The following ELFN2 variants were observed in gnomAD, a reference collection of about 807,000 sequenced individuals.
ELFN2 encodes protein phosphatase 1 regulatory subunit 29.
ELFN2 carries 17 observed loss-of-function variants against 45.5 expected under a neutral mutation model. The ratio of observed to expected loss-of-function variants is 0.37; its 90% CI spans 0.26 to 0.56. ELFN2 has a LOEUF of 0.56. ELFN2 is among the 20% of genes least tolerant of loss of function. ELFN2 has a pLI of 0.77. For synonymous variants in ELFN2, 550 were observed against 551.5 expected (o/e 1.00, Z 0.04); for missense variants, 922 against 1,183.2 (o/e 0.78, Z 3.24).
intron 2 of ELFN2, among the ~76,000 whole-genome samples, chr22:37,380,311 G>A (rs1011445720): frequency 2.1e-5 from 3 of 142,112 alleles, no homozygotes; most frequent in African/African-American, 8.2e-5. Flanking sequence ...TGAGACCCAG[G>A]TAAGCTGCAG....
chr22:37,364,535 A>T (rs974871104), downstream of ELFN2, among the ~76,000 whole-genome samples: 9 of 152,122 alleles, frequency 5.9e-5, no homozygotes, highest in Non-Finnish European at 1.2e-4. Flanking sequence ...GAGGGTCCCC[A>T]CAGTTCAGCC....
At chr22:37,349,393 T>C (rs1045704750) in intron 1 of ELFN2, among the ~76,000 whole-genome samples, 4 of 151,192 alleles carry the variant, frequency 2.6e-5, no homozygotes, top group African/African-American at 9.7e-5. Flanking sequence ...TCCCTGCACC[T>C]GCCCCAGTTT....
Position 37,373,726 on chromosome 22 carries a change from C to T in ELFN2, c.1809G>A (p.Ser603=), listed in dbSNP as rs754275848. 14 of 1,554,372 alleles carry T rather than the reference C, an allele frequency of 9.0e-6. No homozygotes were observed. In the Admixed American group the frequency reaches 2.3e-4, roughly 26 times the overall value. ...GGTGGGAGCTCTCCTTGTAGGGAGG[C>T]GAAAGGAAGCTGGGCCGCTCCAGGG... ...PGALERPSFL[S]PPYKESSHHP... is the part of the protein sequence containing the mutation. The change falls in exon 3 of 3, where the codon TCG becomes TCA. Residue 603 remains serine (S), a synonymous_variant. Transcript: ENST00000402918.
chr22:37,358,399 C>T (rs138240723), intron 1 of ELFN2, among the ~76,000 whole-genome samples: 6 of 152,340 alleles, frequency 3.9e-5, no homozygotes, highest in South Asian at 2.1e-4. Context: ...GGTCCAGGTC[C>T]GCCGGGGCGA....
chr22:37,346,099 G>C (rs937313238), intron 1 of ELFN2, among the ~76,000 whole-genome samples: 2 of 152,236 alleles, frequency 1.3e-5, no homozygotes, highest in Non-Finnish European at 1.5e-5. Context: ...ACCGGCTTGA[G>C]GTTGATGTGA....
chr22:37,386,607 G>T (rs962155850), intron 2 of ELFN2, among the ~76,000 whole-genome samples: 1 of 152,192 alleles, frequency 6.6e-6, no homozygotes, highest in South Asian at 2.1e-4. Context: ...ACTGACGGCC[G>T]CCTCTGAGGC....
intron 2 of ELFN2, among the ~76,000 whole-genome samples, chr22:37,415,854 C>T (rs1252625480): frequency 6.6e-6 from 1 of 152,136 alleles, no homozygotes; most frequent in Non-Finnish European, 1.5e-5. Flanking sequence ...CCCAGCTACT[C>T]AAGGAGGCTG....
intron 1 of ELFN2, among the ~76,000 whole-genome samples, chr22:37,419,375 C>G (rs1932791935): frequency 6.6e-6 from 1 of 152,080 alleles, no homozygotes; most frequent in Non-Finnish European, 1.5e-5. Flanking sequence ...CCAGAGCACA[C>G]CCAGACAGAA....
chr22:37,342,899 T>C (rs1250044174), intron 1 of ELFN2, among the ~76,000 whole-genome samples: 2 of 152,038 alleles, frequency 1.3e-5, no homozygotes, highest in East Asian at 3.9e-4. Context: ...CCCCCATTCA[T>C]TGGAAGATGG....
intron 2 of ELFN2, among the ~76,000 whole-genome samples, chr22:37,379,849 C>G (rs1410006356): frequency 6.6e-6 from 1 of 152,126 alleles, no homozygotes; most frequent in Non-Finnish European, 1.5e-5. Context: ...CCCTTTCCGC[C>G]CGGGTGCTCC....
chr22:37,400,394 A>C (rs1932332934), intron 2 of ELFN2, among the ~76,000 whole-genome samples: 1 of 152,132 alleles, frequency 6.6e-6, no homozygotes, highest in African/African-American at 2.4e-5. Context: ...CCTGAGGAGC[A>C]CCTCAGCCAC....
rs1428735509 is a variant in ELFN2 at position 37,379,050 on chromosome 22, C to T, written c.-462-3054G>A. Among the ~76,000 whole-genome samples the T allele has an allele frequency of 3.3e-5, 5 of 152,074 alleles. No homozygotes were observed. In the East Asian group the frequency reaches 5.8e-4, roughly 18 times the overall value. On this transcript the variant is annotated intron_variant, in intron 2 of 2. Coordinates refer to ENST00000402918, the MANE Select transcript of ELFN2 (RefSeq NM_052906.5). The stretch of plus-strand genomic sequence containing the variant: ...CCCCACATACCCAGGTGGTGAGAGA[C>T]GGGAAGAAGGGGGTGCTGCAGGGAG...
downstream of ELFN2, among the ~76,000 whole-genome samples, chr22:37,364,958 C>T (rs113228017): frequency 1.6e-3 from 244 of 152,298 alleles, 1 homozygote; most frequent in African/African-American, 5.5e-3. Flanking sequence ...GGAATGCTTC[C>T]GGGCTGTGAC....
In ELFN2 at chr22:37,408,104, G is replaced by C. The variant is rs543087201; in HGVS notation, c.-463+9665C>G. ...GTTTCTCCAGGCCGGGTGTGTGCAT[G>C]AGAATGTCTGCATGATCCCCCCAGG... On this transcript the variant is annotated intron_variant, in intron 2 of 2. Transcript: ENST00000402918. Among the ~76,000 whole-genome samples, 3 of 152,344 alleles carry C rather than the reference G, an allele frequency of 2.0e-5. No homozygotes were observed. The East Asian group carries it at 5.8e-4, about 29-fold the overall frequency.
Position 37,373,184 on chromosome 22 carries a change from A to C in ELFN2, c.2351T>G (p.Val784Gly), listed in dbSNP as rs1399299156. Residue 784 changes from valine (V) to glycine (G), a missense_variant, in exon 3 of 3, where the codon GTG becomes GGG. Physicochemically the swap from Val to Gly is moderately radical, Grantham distance 109. Around this residue, in one of 2 missense-constraint regions of ELFN2, gnomAD observed 564 missense variants for 642.8 expected, o/e 0.88. Transcript: ENST00000402918. Reference sequence around the variant, plus strand: ...CAGGGCGTGACCGGCGGCCATGTACACCTCCTCCCGGTGGTGCTTCTTGTA... The same window carrying C: ...CAGGGCGTGACCGGCGGCCATGTACCCCTCCTCCCGGTGGTGCTTCTTGTA... ...RPYKKHHREE[V>G]YMAAGHALRK... 1.2e-6 allele frequency: 2 copies of C among 1,612,076 alleles called. No homozygotes were observed. The highest frequency in any genetic ancestry group is 2.2e-5 in the South Asian group (2 of 90,952).
intron 2 of ELFN2, among the ~76,000 whole-genome samples, chr22:37,393,829 T>C (rs2145662044): frequency 6.6e-6 from 1 of 152,272 alleles, no homozygotes; most frequent in Non-Finnish European, 1.5e-5. Context: ...AAGCTCTTCC[T>C]TTATAGGCCC....
At position 37,374,761 on chromosome 22, in the gene ELFN2, G is replaced by A. The variant is rs756128061; in HGVS notation, c.774C>T (p.Pro258=). Residue 258 remains proline (P), a synonymous_variant, in exon 3 of 3, where the codon CCC becomes CCT. Transcript: ENST00000402918. ...TCTGGGCGTCGGTGGAGTAGGGCGT[G>A]GGGTGGCTCACGGGCCGGGCGGGCA... is the stretch of plus-strand genomic sequence containing the variant. ...GSLPARPVSH[P]TPYSTDAQRE... The A allele has an allele frequency of 4.3e-6, 7 of 1,609,960 alleles. No homozygotes were observed. The highest frequency in any genetic ancestry group is 1.1e-5 in the South Asian group (1 of 91,042).
chr22:37,417,387 C>G lies in ELFN2; in HGVS notation c.-463+382G>C, dbSNP rs1218515588. 6.6e-6 allele frequency among the ~76,000 whole-genome samples: 1 copy of G among 152,220 alleles called. No homozygotes were observed. The highest frequency in any genetic ancestry group is 1.5e-5 in the Non-Finnish European group (1 of 68,032). On this transcript the variant is annotated intron_variant, in intron 2 of 2. Coordinates refer to ENST00000402918, the MANE Select transcript of ELFN2 (RefSeq NM_052906.5). This position sits in a 1 kb window ranked among gnomAD's most constrained non-coding sequence, Gnocchi z 4.5. Reference sequence around the variant, plus strand: ...CCACCATGTTGTCCCAGGCCTTCCCCTGGAAGCTGGCTCTCCACCCCCAGC... The same window carrying G: ...CCACCATGTTGTCCCAGGCCTTCCCGTGGAAGCTGGCTCTCCACCCCCAGC...
intron 2 of ELFN2, among the ~76,000 whole-genome samples, chr22:37,396,893 G>A (rs1932227293): frequency 6.6e-6 from 1 of 152,168 alleles, no homozygotes; most frequent in East Asian, 1.9e-4. Flanking sequence ...CCAAGTCCAT[G>A]CCAGGACAGG....
Sources: gnomAD v4.1 joint callset for allele counts (sites outside exome capture counted in the v4.1 genomes callset) on GRCh38, gnomAD v4.1.1 for gene constraint, gnomAD v4.1.1 regional missense constraint, Gnocchi (gnomAD v3.1) non-coding constraint, MANE v1.5 for transcripts, NCBI Gene and HGNC (gene_info 2026-07-23, HGNC 2026-07-21) for gene names.